The following AQP9 variants were observed in gnomAD, a reference collection of about 807,000 sequenced individuals.
AQP9 encodes the protein aquaporin 9.
In AQP9, 19 loss-of-function variants were observed where a neutral mutation model predicts 23.8. The observed-to-expected ratio is 0.80, with a 90% CI of 0.56 to 1.17. The LOEUF (loss-of-function observed/expected upper bound fraction) is 1.17. Among genes scored for constraint, AQP9 ranks in the 50% most tolerant of loss-of-function variants. AQP9 has a pLI of 0.00. For missense variants in AQP9, 413 were observed against 362.0 expected (o/e 1.14, Z -1.14); for synonymous variants, 153 against 131.5 (o/e 1.16, Z -1.12).
In AQP9 at chr15:58,140,964, C is replaced by T. The variant is rs1235656543; in HGVS notation, c.111+2288C>T. On this transcript the variant is annotated intron_variant, in intron 1 of 5. Transcript: ENST00000219919. ...CAGTTGGTATAAAGGACTGATAAGG[C>T]CTACTGGTAGCATTAAGAGAAAAGA... Among the ~76,000 whole-genome samples, 3 of 152,106 alleles carry T rather than the reference C, an allele frequency of 2.0e-5. No individual in the cohort carries two copies. In the South Asian group the frequency reaches 6.2e-4, roughly 32 times the overall value.
rs546065275 is a variant in AQP9, at chr15:58,163,369, C to T, written c.112-3304C>T. Among the ~76,000 whole-genome samples, 25 of 152,250 alleles carry T rather than the reference C, an allele frequency of 1.6e-4. 1 individual carries two copies. The highest frequency in any genetic ancestry group is 6.0e-4 in the African/African-American group (25 of 41,560). On this transcript the variant is annotated intron_variant, in intron 1 of 5. Transcript: ENST00000219919. ...CAGAGGAGGAGTGCGTGGTGGACTTCAGAAGCAGAACACCCAAGGGGACAG... is the reference window on the plus strand; with the variant it reads ...CAGAGGAGGAGTGCGTGGTGGACTTTAGAAGCAGAACACCCAAGGGGACAG...
chr15:58,157,286 C>T (rs563666361), intron 1 of AQP9, among the ~76,000 whole-genome samples: 19 of 152,276 alleles, frequency 1.2e-4, no homozygotes, highest in East Asian at 5.8e-4. Context: ...CCACATAGTA[C>T]GGAGCAAATG....
At position 58,171,495 on chromosome 15, in the gene AQP9, C is replaced by T. The variant is rs763594233; in HGVS notation, c.239-1573C>T. On this transcript the variant is annotated intron_variant, in intron 2 of 5. Coordinates refer to ENST00000219919, the MANE Select transcript of AQP9 (RefSeq NM_020980.5). Reference sequence around the variant, plus strand: ...CTTCCCACTGCCCTGTGTGCCCCCTCCTCCCTCCTAACCCCTGTTTCTAGC... The same window carrying T: ...CTTCCCACTGCCCTGTGTGCCCCCTTCTCCCTCCTAACCCCTGTTTCTAGC... Among the ~76,000 whole-genome samples, 54 of 152,196 alleles carry T rather than the reference C, an allele frequency of 3.5e-4. 1 individual carries two copies. Among genetic ancestry groups the T allele is most frequent in the Admixed American group, 3.9e-4 (6 of 15,282 alleles).
At chr15:58,179,438 A>C (rs1311846660) in intron 5 of AQP9, 93 bp downstream of exon 5, 3 of 1,166,156 alleles carry the variant, frequency 2.6e-6, no homozygotes, top group Non-Finnish European at 3.6e-6. Context: ...GGAAGTTCAG[A>C]TGACAGCGCC....
chr15:58,142,450 C>T lies in AQP9; in HGVS notation c.111+3774C>T, dbSNP rs539367945. ...TTAGCAGTGTCAAAAGATGATTTTA[C>T]AGAACAGACGTGATCGTGGTGGGGA... On this transcript the variant is annotated intron_variant, in intron 1 of 5. Coordinates refer to ENST00000219919, the MANE Select transcript of AQP9 (RefSeq NM_020980.5). Among the ~76,000 whole-genome samples, 5 of 152,308 alleles carry T rather than the reference C, an allele frequency of 3.3e-5. No homozygotes were observed. The South Asian group carries it at 8.3e-4, about 25-fold the overall frequency.
At chr15:58,170,506 G>A (rs1170798864) in intron 2 of AQP9, among the ~76,000 whole-genome samples, 1 of 151,938 alleles carries the variant, frequency 6.6e-6, no homozygotes, top group East Asian at 1.9e-4. Flanking sequence ...CCAGGTTCAA[G>A]CGATTCTCCT....
intron 1 of AQP9, among the ~76,000 whole-genome samples, chr15:58,148,147 T>C (rs1254946582): frequency 6.6e-6 from 1 of 152,174 alleles, no homozygotes; most frequent in Non-Finnish European, 1.5e-5. Context: ...TTTCAAAGCA[T>C]TTTTGTAGGG....
intron 1 of AQP9, among the ~76,000 whole-genome samples, chr15:58,158,557 G>A (rs1898310450): frequency 6.6e-6 from 1 of 152,054 alleles, no homozygotes; most frequent in Admixed American, 6.6e-5. Context: ...CTAAATAGAG[G>A]GTAGCTGGTA....
intron 1 of AQP9, among the ~76,000 whole-genome samples, chr15:58,139,042 G>T (rs1400854732): frequency 6.6e-6 from 1 of 152,166 alleles, no homozygotes; most frequent in Non-Finnish European, 1.5e-5. Flanking sequence ...AAGCATTGGG[G>T]TGACTCAGCC....
intron 4 of AQP9, among the ~76,000 whole-genome samples, chr15:58,176,111 T>C (rs540690845): frequency 6.6e-6 from 1 of 152,318 alleles, no homozygotes; most frequent in African/African-American, 2.4e-5. Context: ...TTCATGAAGT[T>C]ACTTATGAGG....
intron 2 of AQP9, among the ~76,000 whole-genome samples, chr15:58,169,852 A>G (rs1898583110): frequency 6.6e-6 from 1 of 152,198 alleles, no homozygotes; most frequent in African/African-American, 2.4e-5. Context: ...TTTATGACTA[A>G]AATAAACTTA....
chr15:58,139,348 C>T (rs1209086852), intron 1 of AQP9, among the ~76,000 whole-genome samples: 1 of 152,136 alleles, frequency 6.6e-6, no homozygotes, highest in African/African-American at 2.4e-5. Context: ...TTCTAAGAAC[C>T]TCTTGAGGAT....
chr15:58,139,592 G>C (rs1468513356), intron 1 of AQP9, among the ~76,000 whole-genome samples: 1 of 152,182 alleles, frequency 6.6e-6, no homozygotes, highest in Non-Finnish European at 1.5e-5. Context: ...TTTCCTTAAA[G>C]TTATAGAGAA....
intron 2 of AQP9, among the ~76,000 whole-genome samples, chr15:58,169,330 G>C (rs1898572736): frequency 6.6e-6 from 1 of 152,202 alleles, no homozygotes; most frequent in South Asian, 2.1e-4. Flanking sequence ...TGGAAAGGCA[G>C]TCCTTATCTT....
chr15:58,152,775 G>A (rs966958272), intron 1 of AQP9: 1 of 152,038 alleles, frequency 6.6e-6, no homozygotes, highest in Non-Finnish European at 1.5e-5. Flanking sequence ...CATATTCATA[G>A]ATCAAGAAAT....
At chr15:58,176,027 T>C (rs375151890) in intron 4 of AQP9, among the ~76,000 whole-genome samples, 8 of 152,356 alleles carry the variant, frequency 5.3e-5, no homozygotes, top group South Asian at 4.1e-4. Flanking sequence ...TCCAACTTCC[T>C]GCGTGGCTTC....
chr15:58,181,683 C>T (rs1898891646), intron 5 of AQP9, among the ~76,000 whole-genome samples: 1 of 151,994 alleles, frequency 6.6e-6, no homozygotes, highest in African/African-American at 2.4e-5. Flanking sequence ...TCTTCTGCTC[C>T]CTGTTTTGTA....
chr15:58,154,871 A>C (rs1264205499), intron 1 of AQP9: 2 of 152,454 alleles, frequency 1.3e-5, no homozygotes, highest in African/African-American at 4.8e-5. Flanking sequence ...ATACTTAATA[A>C]TAAATCATAA....
intron 2 of AQP9, among the ~76,000 whole-genome samples, chr15:58,168,263 T>C (rs1898551106): frequency 1.3e-5 from 2 of 151,802 alleles, no homozygotes; most frequent in Admixed American, 1.3e-4. Context: ...ACTCCTGGAC[T>C]CAAGTGATCC....
Sources: allele counts gnomAD v4.1 joint callset (sites outside exome capture counted in the v4.1 genomes callset), GRCh38; gene constraint gnomAD v4.1.1; transcripts MANE v1.5; gene names NCBI Gene and HGNC (gene_info 2026-07-23, HGNC 2026-07-21).